The following IL2RA variants were observed in gnomAD, a reference collection of about 807,000 sequenced individuals.
The protein encoded by IL2RA is interleukin 2 receptor subunit alpha.
In IL2RA, 24 loss-of-function variants were observed where a neutral mutation model predicts 37.8. The observed-to-expected ratio is 0.63, with a 90% CI of 0.46 to 0.89. The LOEUF (loss-of-function observed/expected upper bound fraction) is 0.89. Ranked by LOEUF, IL2RA falls within the 40% of genes least tolerant of loss-of-function variation. The probability of loss-of-function intolerance (pLI) is 0.00; values close to 1 mark genes in which losing one functional copy is unlikely to be tolerated. For missense variants in IL2RA, 319 were observed against 348.6 expected (o/e 0.92, Z 0.68); for synonymous variants, 125 against 114.6 (o/e 1.09, Z -0.58).
intron 1 of IL2RA, among the ~76,000 whole-genome samples, chr10:6,034,756 T>A (rs1359165759): frequency 6.6e-6 from 1 of 152,124 alleles, no homozygotes; most frequent in African/African-American, 2.4e-5. Flanking sequence ...ACTTCCTGCT[T>A]CTCCCAATGG....
chr10:6,027,152 A>G (rs1280663038), intron 1 of IL2RA, among the ~76,000 whole-genome samples: 1 of 152,086 alleles, frequency 6.6e-6, no homozygotes, highest in African/African-American at 2.4e-5. Flanking sequence ...TGAAAACCAC[A>G]GTCTCTACTA....
intron 1 of IL2RA, among the ~76,000 whole-genome samples, chr10:6,042,898 T>G (rs1839793470): frequency 6.6e-6 from 1 of 152,226 alleles, no homozygotes; most frequent in South Asian, 2.1e-4. Context: ...TTCAGGAAAT[T>G]TCATAAATTG....
rs1328054789 is a variant in IL2RA at position 6,028,542 on chromosome 10, C to A, written c.65-2517G>T. ...GAGGATGCGCTAGTCATTTAACTGC[C>A]TGGCAGAGCAAAATGCATTACCTTT... is the stretch of plus-strand genomic sequence containing the variant. On this transcript the variant is annotated intron_variant, in intron 1 of 7. Transcript: ENST00000379959. This position sits in a 1 kb window ranked among gnomAD's most constrained non-coding sequence, Gnocchi z 4.1. Among the ~76,000 whole-genome samples, 1 of 152,154 alleles carries A rather than the reference C, an allele frequency of 6.6e-6. No homozygotes were observed. Among genetic ancestry groups the A allele is most frequent in the Non-Finnish European group, 1.5e-5 (1 of 68,036 alleles).
intron 1 of IL2RA, among the ~76,000 whole-genome samples, chr10:6,026,650 T>A (rs1839487920): frequency 6.6e-6 from 1 of 152,158 alleles, no homozygotes; most frequent in Admixed American, 6.5e-5. Flanking sequence ...TGGTCAAACA[T>A]CAAACTATTA....
chr10:6,057,345 C>G lies in IL2RA; in HGVS notation c.64+4743G>C, dbSNP rs41294923. ...CTGGAAATAACCCACAATGAGACATCAGGCTTGGGTGCATTGATACACAAA... is the reference window on the plus strand; with the variant it reads ...CTGGAAATAACCCACAATGAGACATGAGGCTTGGGTGCATTGATACACAAA... On this transcript the variant is annotated intron_variant, in intron 1 of 7. Transcript: ENST00000379959. This position sits in a 1 kb window ranked among gnomAD's most constrained non-coding sequence, Gnocchi z 4.8. Among the ~76,000 whole-genome samples the G allele has an allele frequency of 9.7e-3, 1,483 of 152,338 alleles. 16 individuals carry two copies. Among genetic ancestry groups the G allele is most frequent in the Non-Finnish European group, 0.016 (1,069 of 68,032 alleles).
chr10:6,012,882 CTTCT>C lies in IL2RA; in HGVS notation c.805_808del (p.Arg269GlufsTer92). ...TGTTCTTTTGGTTTTCTAGATTGTT[CTTCT>C]ACTCTTCCTCCTGTAGTGGTGTAAC... On this transcript the variant is annotated frameshift_variant, in exon 8 of 8. Transcript: ENST00000379959. LOFTEE classifies it high-confidence loss of function. This position sits in a 1 kb window ranked among gnomAD's most constrained non-coding sequence, Gnocchi z 4.8. 1 of 1,614,092 alleles carries C rather than the reference CTTCT, an allele frequency of 6.2e-7. No individual in the cohort carries two copies. Among genetic ancestry groups the C allele is most frequent in the Non-Finnish European group, 8.5e-7 (1 of 1,179,946 alleles).
chr10:6,025,956 G>A lies in IL2RA; in HGVS notation c.134C>T (p.Thr45Ile). 2 of 1,614,124 alleles carry A rather than the reference G, an allele frequency of 1.2e-6. No homozygotes were observed. Among genetic ancestry groups the A allele is most frequent in the East Asian group, 4.5e-5 (2 of 44,882 alleles). Residue 45 changes from threonine (T) to isoleucine (I), a missense_variant, in exon 2 of 8, where the codon ACC (threonine) becomes ATC (isoleucine). Coordinates refer to ENST00000379959, the MANE Select transcript of IL2RA (RefSeq NM_000417.3). This position sits in a 1 kb window ranked among gnomAD's most constrained non-coding sequence, Gnocchi z 4.4. ...TFKAMAYKEG[T>I]MLNCECKRGF... ...TCTCTTGCATTCACAGTTCAACATG[G>A]TTCCTTCCTTGTAGGCCATGGCTTT...
Position 6,025,338 on chromosome 10 carries a change from A to G in IL2RA, c.256+496T>C, listed in dbSNP as rs1839463462. On this transcript the variant is annotated intron_variant, in intron 2 of 7. Transcript: ENST00000379959. The surrounding 1 kb of genome is among the most constrained non-coding windows in gnomAD (Gnocchi z 4.4). ...CACCGCACCCCAGCCTGGGCAACAGAGCGAGACTGTCTCAAAAATAAAAAT... is the reference window on the plus strand; with the variant it reads ...CACCGCACCCCAGCCTGGGCAACAGGGCGAGACTGTCTCAAAAATAAAAAT... Among the ~76,000 whole-genome samples, 1 of 152,078 alleles carries G rather than the reference A, an allele frequency of 6.6e-6. No homozygotes were observed. Among genetic ancestry groups the G allele is most frequent in the South Asian group, 2.1e-4 (1 of 4,826 alleles).
At position 6,019,000 on chromosome 10, in the gene IL2RA, C is replaced by T. The variant is rs1269299080; in HGVS notation, c.727+428G>A. Among the ~76,000 whole-genome samples, 3 of 152,096 alleles carry T rather than the reference C, an allele frequency of 2.0e-5. No homozygotes were observed. Among genetic ancestry groups the T allele is most frequent in the Non-Finnish European group, 4.4e-5 (3 of 68,016 alleles). On this transcript the variant is annotated intron_variant, in intron 6 of 7. Transcript: ENST00000379959. This position sits in a 1 kb window ranked among gnomAD's most constrained non-coding sequence, Gnocchi z 5.1. Reference sequence around the variant, plus strand: ...ACTACCAACCAACCTGCCAATCTACCACCCTAACAACCAACCTACCAACCA... The same window carrying T: ...ACTACCAACCAACCTGCCAATCTACTACCCTAACAACCAACCTACCAACCA...
At position 6,012,879 on chromosome 10, in the gene IL2RA, GTTC is replaced by G; in HGVS notation, c.809_811del (p.Arg270del). ...TCTTGTTCTTTTGGTTTTCTAGATT[GTTC>G]TTCTACTCTTCCTCCTGTAGTGGTG... On this transcript the variant is annotated inframe_deletion, in exon 8 of 8. Coordinates refer to ENST00000379959, the MANE Select transcript of IL2RA (RefSeq NM_000417.3). The surrounding 1 kb of genome is among the most constrained non-coding windows in gnomAD (Gnocchi z 4.8). 1 of 1,614,038 alleles carries G rather than the reference GTTC, an allele frequency of 6.2e-7. No homozygotes were observed. The highest frequency in any genetic ancestry group is 8.5e-7 in the Non-Finnish European group (1 of 1,179,900).
Position 6,025,528 on chromosome 10 carries a change from T to C in IL2RA, c.256+306A>G, listed in dbSNP as rs190569120. On this transcript the variant is annotated intron_variant, in intron 2 of 7. Transcript: ENST00000379959. This position sits in a 1 kb window ranked among gnomAD's most constrained non-coding sequence, Gnocchi z 4.4. ...AAAATTAGCCAGGCATGGTGGAGGGTGCCTGTAATCCCAGCTACTCAGGAG... is the reference window on the plus strand; with the variant it reads ...AAAATTAGCCAGGCATGGTGGAGGGCGCCTGTAATCCCAGCTACTCAGGAG... Among the ~76,000 whole-genome samples the C allele has an allele frequency of 2.0e-5, 3 of 151,772 alleles. No individual in the cohort carries two copies. Among genetic ancestry groups the C allele is most frequent in the East Asian group, 3.9e-4 (2 of 5,134 alleles).
intron 1 of IL2RA, among the ~76,000 whole-genome samples, chr10:6,053,661 T>A (rs958738210): frequency 2.3e-4 from 35 of 152,166 alleles, no homozygotes; most frequent in Admixed American, 3.3e-4. Context: ...TTAAAATTAA[T>A]TATCATTTTA....
rs569107735 is a variant in IL2RA at position 6,057,644 on chromosome 10, C to A, written c.64+4444G>T. On this transcript the variant is annotated intron_variant, in intron 1 of 7. Transcript: ENST00000379959. The surrounding 1 kb of genome is among the most constrained non-coding windows in gnomAD (Gnocchi z 4.8). Reference sequence around the variant, plus strand: ...GCTTCCTGCAAGGTTTATTTTCCTGCTAATTCTATTCCCTGTGACCTCAAG... The same window carrying A: ...GCTTCCTGCAAGGTTTATTTTCCTGATAATTCTATTCCCTGTGACCTCAAG... Among the ~76,000 whole-genome samples, 7 of 152,126 alleles carry A rather than the reference C, an allele frequency of 4.6e-5. No homozygotes were observed. In the East Asian group the frequency reaches 1.3e-3, roughly 29 times the overall value.
rs568492773 is a variant in IL2RA at position 6,014,309 on chromosome 10, G to A, written c.795-1413C>T. ...TCTGGCTGGGCTACAGTGATCTTTC[G>A]GTAATTCAAATGCAGCATTTCTGTT... On this transcript the variant is annotated intron_variant, in intron 7 of 7. Coordinates refer to ENST00000379959, the MANE Select transcript of IL2RA (RefSeq NM_000417.3). The surrounding 1 kb of genome is among the most constrained non-coding windows in gnomAD (Gnocchi z 4.4). Among the ~76,000 whole-genome samples the A allele has an allele frequency of 1.2e-3, 190 of 152,066 alleles. 1 individual carries two copies. Among genetic ancestry groups the A allele is most frequent in the African/African-American group, 4.2e-3 (176 of 41,450 alleles).
At chr10:6,043,963 T>G (rs1378371344) in intron 1 of IL2RA, among the ~76,000 whole-genome samples, 1 of 152,250 alleles carries the variant, frequency 6.6e-6, no homozygotes, top group Non-Finnish European at 1.5e-5. Flanking sequence ...AGGAAGTGAT[T>G]AGTTCAGGGC....
chr10:6,028,256 T>C lies in IL2RA; in HGVS notation c.65-2231A>G, dbSNP rs986476781. Among the ~76,000 whole-genome samples, 1 of 152,152 alleles carries C rather than the reference T, an allele frequency of 6.6e-6. No homozygotes were observed. The highest frequency in any genetic ancestry group is 1.5e-5 in the Non-Finnish European group (1 of 68,024). ...GCATGAAGGTCGCCCCAAAATTATG[T>C]ATAGGGGTCCACCTCAGGTTCTTAG... On this transcript the variant is annotated intron_variant, in intron 1 of 7. Transcript: ENST00000379959. The surrounding 1 kb of genome is among the most constrained non-coding windows in gnomAD (Gnocchi z 4.1).
At position 6,054,474 on chromosome 10, in the gene IL2RA, T is replaced by C. The variant is rs1840011691; in HGVS notation, c.64+7614A>G. Among the ~76,000 whole-genome samples the C allele has an allele frequency of 6.6e-6, 1 of 152,212 alleles. No homozygotes were observed. The highest frequency in any genetic ancestry group is 1.5e-5 in the Non-Finnish European group (1 of 68,032). ...AGCTGGGGGAGAAGCACTCACATGC[T>C]GTCTGTCTGAGCAAAAGTATTCGTT... On this transcript the variant is annotated intron_variant, in intron 1 of 7. Transcript: ENST00000379959. This position sits in a 1 kb window ranked among gnomAD's most constrained non-coding sequence, Gnocchi z 4.5.
rs201001837 is a variant in IL2RA at position 6,024,063 on chromosome 10, C to G, written c.367+181G>C. Reference sequence around the variant, plus strand: ...CGTCAGATTGGCTTTAGTTGCTGAGCAAACAGCCTCTGAGCAACTCTGCAC... The same window carrying G: ...CGTCAGATTGGCTTTAGTTGCTGAGGAAACAGCCTCTGAGCAACTCTGCAC... On this transcript the variant is annotated intron_variant, in intron 3 of 7. Coordinates refer to ENST00000379959, the MANE Select transcript of IL2RA (RefSeq NM_000417.3). 1.4e-3 allele frequency among the ~76,000 whole-genome samples: 214 copies of G among 152,336 alleles called. 5 individuals are homozygous for G. In the East Asian group the frequency reaches 0.037, roughly 26 times the overall value.
chr10:6,045,069 A>G (rs1445767969), intron 1 of IL2RA, among the ~76,000 whole-genome samples: 2 of 152,174 alleles, frequency 1.3e-5, no homozygotes, highest in African/African-American at 2.4e-5. Context: ...GGGAAAGGAG[A>G]AGAAGGCGGT....
Sources: allele counts gnomAD v4.1 joint callset (sites outside exome capture counted in the v4.1 genomes callset), GRCh38; gene constraint gnomAD v4.1.1; non-coding constraint Gnocchi (gnomAD v3.1); transcripts MANE v1.5; gene names NCBI Gene and HGNC (gene_info 2026-07-23, HGNC 2026-07-21).